Variants in ARHGAP15 observed in about 807,000 individuals in gnomAD.
ARHGAP15 encodes Rho GTPase activating protein 15, also known as rho GTPase-activating protein 15.
A neutral mutation model predicts 63.7 loss-of-function variants in ARHGAP15; 51 were observed. The ratio of observed to expected loss-of-function variants is 0.80; its 90% CI spans 0.64 to 1.01. ARHGAP15 has a LOEUF of 1.01. Ranked by LOEUF, ARHGAP15 falls within the 50% of genes least tolerant of loss-of-function variation. ARHGAP15 has a pLI of 0.00. For synonymous variants in ARHGAP15, 191 were observed against 193.8 expected, an observed-to-expected ratio of 0.99 and a Z score of 0.12; for missense variants, 560 against 564.6, an observed-to-expected ratio of 0.99 and a Z score of 0.08.
intron 8 of ARHGAP15, among the ~76,000 whole-genome samples, chr2:143,442,968 C>T (rs1020659284): frequency 6.6e-6 from 1 of 152,068 alleles, no homozygotes; most frequent in Non-Finnish European, 1.5e-5. Flanking sequence ...CATTGTTTTC[C>T]TATTTTCCTC....
chr2:143,389,405 T>A (rs1479267773), intron 6 of ARHGAP15, among the ~76,000 whole-genome samples: 1 of 152,146 alleles, frequency 6.6e-6, no homozygotes, highest in Admixed American at 6.5e-5. Flanking sequence ...GCAAGGTCTA[T>A]GGAAAACAAA....
intron 6 of ARHGAP15, among the ~76,000 whole-genome samples, chr2:143,433,434 G>A (rs1422098109): frequency 6.6e-6 from 1 of 152,062 alleles, no homozygotes; most frequent in African/African-American, 2.4e-5. Context: ...TGAATGAATT[G>A]CATTCATATA....
intron 11 of ARHGAP15, among the ~76,000 whole-genome samples, chr2:143,623,074 A>G (rs1386968743): frequency 6.6e-6 from 1 of 152,186 alleles, no homozygotes; most frequent in Non-Finnish European, 1.5e-5. Flanking sequence ...ATTGTCTAAA[A>G]TGATTAGTTT....
intron 6 of ARHGAP15, among the ~76,000 whole-genome samples, chr2:143,397,646 A>G (rs4662203): frequency 0.25 from 37,232 of 150,938 alleles, 5,289 homozygotes; most frequent in African/African-American, 0.36. Flanking sequence ...CATAAATAGC[A>G]ATTTAACAAA....
intron 6 of ARHGAP15, among the ~76,000 whole-genome samples, chr2:143,292,061 A>G (rs1166517483): frequency 2.6e-5 from 4 of 152,072 alleles, no homozygotes; most frequent in African/African-American, 4.8e-5. Context: ...GCTACAGCCA[A>G]GTGCCCCAAA....
At chr2:143,578,364 T>C (rs940694107) in intron 11 of ARHGAP15, among the ~76,000 whole-genome samples, 10 of 152,098 alleles carry the variant, frequency 6.6e-5, no homozygotes, top group Non-Finnish European at 1.3e-4. Flanking sequence ...ACATGGAGTA[T>C]GAAAGATGAG....
intron 13 of ARHGAP15, among the ~76,000 whole-genome samples, chr2:143,747,524 C>T (rs1183205697): frequency 2.6e-5 from 4 of 152,148 alleles, no homozygotes; most frequent in Non-Finnish European, 5.9e-5. Context: ...CTGCTGTGTT[C>T]CACCTTTTCA....
chr2:143,593,334 C>T (rs1236913728), intron 11 of ARHGAP15: 1 of 152,148 alleles, frequency 6.6e-6, no homozygotes, highest in Non-Finnish European at 1.5e-5. Context: ...ACCCAGGAAT[C>T]ATAATTTCTA....
chr2:143,757,784 T>TA (rs1686631888), intron 13 of ARHGAP15, among the ~76,000 whole-genome samples: 1 of 152,234 alleles, frequency 6.6e-6, no homozygotes, highest in South Asian at 2.1e-4. Flanking sequence ...AAATCATTTT[T>TA]AAAAACAAGA....
At chr2:143,236,443 T>G (rs958176215) in intron 5 of ARHGAP15, 1 of 152,436 alleles carries the variant, frequency 6.6e-6, no homozygotes, top group East Asian at 1.9e-4. Flanking sequence ...GCATCTCTTA[T>G]GTTTAAGTCA....
intron 8 of ARHGAP15, among the ~76,000 whole-genome samples, chr2:143,445,166 T>TTA (rs1690079732): frequency 7.6e-6 from 1 of 132,348 alleles, no homozygotes; most frequent in South Asian, 2.6e-4. Flanking sequence ...TTTTTTTTTT[T>TTA]TTTTTTTTTT....
chr2:143,155,733 CTTGTTTTAT>C, intron 2 of ARHGAP15, 78 bp downstream of exon 2: 1 of 1,409,728 alleles, frequency 7.1e-7, no homozygotes, highest in African/African-American at 1.5e-5. Context: ...GCTAATTAGT[CTTGTTTTAT>C]TTGTTTTCCT....
intron 13 of ARHGAP15, among the ~76,000 whole-genome samples, chr2:143,765,027 G>A (rs2105558425): frequency 6.6e-6 from 1 of 151,944 alleles, no homozygotes; most frequent in Non-Finnish European, 1.5e-5. Context: ...CTACCAATGG[G>A]TAAAGTTATT....
In ARHGAP15 at chr2:143,649,498, G is replaced by T. The variant is rs150063751; in HGVS notation, c.1138+25231G>T. ...TAACGCAAATGTAAAGATTTGCTAT[G>T]GGCTAAATCTCAACCCAAGAGCAAA... On this transcript the variant is annotated intron_variant, in intron 12 of 13. Transcript: ENST00000295095. Among the ~76,000 whole-genome samples, 315 of 151,954 alleles carry T rather than the reference G, an allele frequency of 2.1e-3. 3 individuals are homozygous for T. The highest frequency in any genetic ancestry group is 7.3e-3 in the African/African-American group (303 of 41,496).
intron 10 of ARHGAP15, among the ~76,000 whole-genome samples, chr2:143,549,555 GTAAT>G (rs1480814295): frequency 6.6e-6 from 1 of 152,136 alleles, no homozygotes; most frequent in Non-Finnish European, 1.5e-5. Flanking sequence ...AGTAAAGAAA[GTAAT>G]TCATTAAATA....
chr2:143,471,257 T>C (rs927372034), intron 8 of ARHGAP15, among the ~76,000 whole-genome samples: 2 of 149,464 alleles, frequency 1.3e-5, no homozygotes, highest in Non-Finnish European at 3.0e-5. Context: ...TATACACACA[T>C]ATATATATAC....
intron 6 of ARHGAP15, among the ~76,000 whole-genome samples, chr2:143,271,669 G>A (rs1428397098): frequency 6.6e-6 from 1 of 152,176 alleles, no homozygotes; most frequent in South Asian, 2.1e-4. Context: ...GTAGAGACGG[G>A]GTTCCACCAT....
intron 6 of ARHGAP15, among the ~76,000 whole-genome samples, chr2:143,272,195 TG>T (rs1681320584): frequency 1.3e-5 from 2 of 152,168 alleles, no homozygotes; most frequent in African/African-American, 4.8e-5. Context: ...AGGTCACACA[TG>T]GTAGGCTGAT....
In ARHGAP15 at chr2:143,768,323, C is replaced by CCAAA. The variant is rs1431393567; in HGVS notation, c.*154_*157dup. ...TTAATGATGATTTTGTGTTTAAGTT[C>CCAAA]CAAACATTTGAATAAAATAATTGAC... On this transcript the variant is annotated 3_prime_UTR_variant, in exon 14 of 14. Coordinates refer to ENST00000295095, the MANE Select transcript of ARHGAP15 (RefSeq NM_018460.4). The CCAAA allele has an allele frequency of 4.0e-6, 3 of 748,054 alleles. No individual in the cohort carries two copies. The highest frequency in any genetic ancestry group is 1.9e-5 in the South Asian group (1 of 51,938). 46.3% of individuals were successfully genotyped at this position (748,054 alleles called of 1,614,324 possible).
Sources: gnomAD v4.1 joint callset for allele counts (sites outside exome capture counted in the v4.1 genomes callset) on GRCh38, gnomAD v4.1.1 for gene constraint, MANE v1.5 for transcripts, NCBI Gene and HGNC (gene_info 2026-07-23, HGNC 2026-07-21) for gene names.